Variants in PALM2AKAP2 observed in about 807,000 individuals in gnomAD.
The protein encoded by PALM2AKAP2 is PALM2 and AKAP2 fusion, also known as PALM2-AKAP2 fusion protein.
Under a neutral mutation model 71.5 loss-of-function variants are expected in PALM2AKAP2, and 37 were observed. That is an observed-to-expected ratio of 0.52 (90% confidence interval 0.40 to 0.68). The LOEUF (loss-of-function observed/expected upper bound fraction) is 0.68. Among genes scored for constraint, PALM2AKAP2 ranks in the 30% least tolerant of loss-of-function variants. PALM2AKAP2 has a pLI of 0.00. For missense variants in PALM2AKAP2, 1,224 were observed against 1,191.8 expected (o/e 1.03, Z -0.40); for synonymous variants, 468 against 478.8 (o/e 0.98, Z 0.29).
intron 6 of PALM2AKAP2, among the ~76,000 whole-genome samples, chr9:109,953,066 C>G (rs1439785955): frequency 6.6e-6 from 1 of 152,154 alleles, no homozygotes; most frequent in East Asian, 1.9e-4. Context: ...GCTGCTTTGG[C>G]CTCCTTTAGA....
chr9:109,907,598 A>G (rs1472314509), intron 3 of PALM2AKAP2, among the ~76,000 whole-genome samples: 2 of 152,208 alleles, frequency 1.3e-5, no homozygotes, highest in Non-Finnish European at 2.9e-5. Flanking sequence ...AGAACATGAC[A>G]GAGAACAATA....
chr9:109,974,656 C>T (rs1028640432), intron 6 of PALM2AKAP2, among the ~76,000 whole-genome samples: 1 of 152,160 alleles, frequency 6.6e-6, no homozygotes, highest in East Asian at 1.9e-4. Flanking sequence ...CAATGGTTTA[C>T]AAAGTGTACC....
chr9:109,734,971 C>T (rs1056180814), intron 1 of PALM2AKAP2, among the ~76,000 whole-genome samples: 5 of 152,006 alleles, frequency 3.3e-5, no homozygotes, highest in African/African-American at 1.2e-4. Flanking sequence ...CATTGCTCAA[C>T]TGACTTGGGA....
upstream of PALM2AKAP2, chr9:109,780,236 G>T (rs1366597991): frequency 1.3e-5 from 14 of 1,081,166 alleles, no homozygotes; most frequent in South Asian, 4.4e-5. Context: ...CGGCGGCGGC[G>T]ACCGGGAGAT....
At chr9:110,087,283 T>A (rs1373076050) in intron 1 of PALM2AKAP2, among the ~76,000 whole-genome samples, 1 of 152,218 alleles carries the variant, frequency 6.6e-6, no homozygotes, top group Non-Finnish European at 1.5e-5. Flanking sequence ...TAATGCATCA[T>A]CTTAATACTA....
intron 1 of PALM2AKAP2, among the ~76,000 whole-genome samples, chr9:109,692,174 G>A (rs1161413758): frequency 6.6e-6 from 1 of 150,894 alleles, no homozygotes; most frequent in African/African-American, 2.4e-5. Flanking sequence ...TCATAAAGTT[G>A]TGCAAAAATC....
At chr9:109,744,112 A>G (rs1828761076) in intron 1 of PALM2AKAP2, among the ~76,000 whole-genome samples, 1 of 152,196 alleles carries the variant, frequency 6.6e-6, no homozygotes, top group African/African-American at 2.4e-5. Flanking sequence ...GTCAACAAAT[A>G]ACTGAACTAA....
At chr9:109,714,920 T>G (rs1239412986) in intron 1 of PALM2AKAP2, among the ~76,000 whole-genome samples, 2 of 152,200 alleles carry the variant, frequency 1.3e-5, no homozygotes, top group African/African-American at 4.8e-5. Context: ...GGGCTGCCCC[T>G]GTTGTGACTG....
At chr9:110,028,654 A>AT (rs1476565427) in intron 7 of PALM2AKAP2, among the ~76,000 whole-genome samples, 2 of 151,496 alleles carry the variant, frequency 1.3e-5, no homozygotes, top group East Asian at 1.9e-4. Context: ...GTGCAGGTTT[A>AT]TTTTTTTTTA....
intron 1 of PALM2AKAP2, among the ~76,000 whole-genome samples, chr9:109,855,314 C>A (rs1226689095): frequency 6.6e-6 from 1 of 152,232 alleles, no homozygotes; most frequent in Non-Finnish European, 1.5e-5. Context: ...CTCAAGCAAT[C>A]TGCCCGTCTT....
Position 109,925,057 on chromosome 9 carries a change from A to C in PALM2AKAP2, c.373-4A>C. The C allele has an allele frequency of 6.2e-7, 1 of 1,614,112 alleles. No individual in the cohort carries two copies. Among genetic ancestry groups the C allele is most frequent in the Non-Finnish European group, 8.5e-7 (1 of 1,179,992 alleles). ...AACGCTCTGCCTTGTTTTTGTTCCT[A>C]CAGGGTTTCTCCAGTACGGATGGAG... On this transcript the variant is annotated splice_polypyrimidine_tract_variant and splice_region_variant and intron_variant, in intron 4 of 9. Coordinates refer to the PALM2AKAP2 transcript ENST00000302798.
intron 7 of PALM2AKAP2, chr9:110,024,943 C>T (rs1833149409): frequency 5.0e-6 from 7 of 1,394,434 alleles, no homozygotes; most frequent in Non-Finnish European, 1.0e-6. Flanking sequence ...TTGGTTCTCA[C>T]AAAGTGTGCT....
At chr9:110,090,965 T>TC (rs1392395497) in intron 1 of PALM2AKAP2, among the ~76,000 whole-genome samples, 1 of 152,050 alleles carries the variant, frequency 6.6e-6, no homozygotes, top group African/African-American at 2.4e-5. Flanking sequence ...GCTCAATTTT[T>TC]TTTTTTTTGC....
At chr9:109,746,751 A>G (rs77669547) in intron 1 of PALM2AKAP2, among the ~76,000 whole-genome samples, 6,506 of 152,210 alleles carry the variant, frequency 0.043, 192 homozygotes, top group Non-Finnish European at 0.053. Flanking sequence ...AGATAGTCCT[A>G]TTTTATCTTC....
intron 6 of PALM2AKAP2, among the ~76,000 whole-genome samples, chr9:109,980,944 T>A (rs190478446): frequency 4.6e-5 from 7 of 152,316 alleles, no homozygotes; most frequent in Non-Finnish European, 8.8e-5. Context: ...GCAGCTGGGG[T>A]GCCTCCCAGC....
intron 1 of PALM2AKAP2, among the ~76,000 whole-genome samples, chr9:109,762,884 G>A (rs1037765352): frequency 1.3e-5 from 2 of 152,170 alleles, no homozygotes; most frequent in Non-Finnish European, 2.9e-5. Flanking sequence ...GGAAAGAGAT[G>A]GGAATGCTGA....
intron 1 of PALM2AKAP2, among the ~76,000 whole-genome samples, chr9:110,117,350 C>T (rs940632386): frequency 1.3e-5 from 2 of 152,116 alleles, no homozygotes; most frequent in African/African-American, 4.8e-5. Flanking sequence ...GTCTCGAACT[C>T]CTGGGCTCAA....
At chr9:109,670,881 C>G (rs756750495) in intron 1 of PALM2AKAP2, among the ~76,000 whole-genome samples, 3 of 152,094 alleles carry the variant, frequency 2.0e-5, no homozygotes, top group Non-Finnish European at 4.4e-5. Flanking sequence ...TGATGTTGAG[C>G]CTTTTTCATA....
chr9:109,969,296 C>T (rs925842596), intron 6 of PALM2AKAP2, among the ~76,000 whole-genome samples: 2 of 152,214 alleles, frequency 1.3e-5, no homozygotes, highest in Non-Finnish European at 2.9e-5. Flanking sequence ...ACACCTTGTG[C>T]TTCCTCACTC....
Sources: gnomAD v4.1 joint callset for allele counts (sites outside exome capture counted in the v4.1 genomes callset) on GRCh38, gnomAD v4.1.1 for gene constraint, MANE v1.5 for transcripts, NCBI Gene and HGNC (gene_info 2026-07-23, HGNC 2026-07-21) for gene names.